The following PRKG1 variants were observed in gnomAD, a reference collection of about 807,000 sequenced individuals.
The protein encoded by PRKG1 is cGMP-dependent protein kinase 1.
A neutral mutation model predicts 88.1 loss-of-function variants in PRKG1; 35 were observed. That is an observed-to-expected ratio of 0.40 (90% CI 0.30 to 0.53). The LOEUF is 0.53. Ranked by LOEUF, PRKG1 falls within the 20% of genes least tolerant of loss-of-function variation. PRKG1 has a pLI of 0.59. For synonymous variants in PRKG1, 303 were observed against 292.5 expected (o/e 1.04, Z -0.37); for missense variants, 540 against 839.8 (o/e 0.64, Z 4.41).
intron 4 of PRKG1, among the ~76,000 whole-genome samples, chr10:51,900,919 A>T (rs572815924): frequency 6.6e-6 from 1 of 152,316 alleles, no homozygotes; most frequent in South Asian, 2.1e-4. Context: ...AAACATGTAT[A>T]CAAAATTTAA....
chr10:51,575,366 A>G (rs561477356), intron 3 of PRKG1, among the ~76,000 whole-genome samples: 2 of 152,106 alleles, frequency 1.3e-5, no homozygotes, highest in Non-Finnish European at 2.9e-5. Context: ...GGTGTGTTCC[A>G]TGGCTCTGCC....
intron 5 of PRKG1, among the ~76,000 whole-genome samples, chr10:51,993,607 A>G (rs1844365355): frequency 6.6e-6 from 1 of 152,194 alleles, no homozygotes; most frequent in Non-Finnish European, 1.5e-5. Context: ...TCACTGGGTC[A>G]TACTGAGGAT....
chr10:52,184,777 A>G (rs999110874), intron 9 of PRKG1: 2 of 152,280 alleles, frequency 1.3e-5, no homozygotes, highest in Non-Finnish European at 2.9e-5. Context: ...AGGAGCAGGC[A>G]TATCACATGG....
rs190238024 is a variant in PRKG1 at position 51,972,242 on chromosome 10, T to C, written c.762+64672T>C. Among the ~76,000 whole-genome samples, 506 of 152,324 alleles carry C rather than the reference T, an allele frequency of 3.3e-3. 2 individuals are homozygous for C. The highest frequency in any genetic ancestry group is 6.8e-3 in the Middle Eastern group (2 of 294). ...TATATATAATCTTTTGCATTTACTT[T>C]TTGCACATCTTATATTTGGGATCAG... On this transcript the variant is annotated intron_variant, in intron 5 of 17. Transcript: ENST00000373980.
upstream of PRKG1, among the ~76,000 whole-genome samples, chr10:51,072,802 G>A (rs1402890426): frequency 6.6e-6 from 1 of 151,978 alleles, no homozygotes; most frequent in African/African-American, 2.4e-5. Flanking sequence ...AAATGAACAA[G>A]CTTGTTAAGA....
intron 1 of PRKG1, among the ~76,000 whole-genome samples, chr10:51,126,189 ATTAT>A (rs1845404028): frequency 8.2e-6 from 1 of 121,768 alleles, no homozygotes; most frequent in Admixed American, 8.9e-5. Context: ...TTTATATATA[ATTAT>A]TTATATGTTA....
rs557379300 is a variant in PRKG1 at position 51,080,223 on chromosome 10, C to G, written c.311+5322C>G. On this transcript the variant is annotated intron_variant, in intron 1 of 17. Coordinates refer to ENST00000373980, the MANE Select transcript of PRKG1 (RefSeq NM_006258.4). ...TGAAGCACAGTCAAGTTGCATGCCC[C>G]CAAAATGGGTCTTATAATGAAGATA... Among the ~76,000 whole-genome samples the G allele has an allele frequency of 1.2e-4, 18 of 152,198 alleles. No homozygotes were observed. The South Asian group carries it at 1.2e-3, about 11-fold the overall frequency.
intron 9 of PRKG1, among the ~76,000 whole-genome samples, chr10:52,166,417 G>A (rs1838437420): frequency 6.8e-6 from 1 of 146,756 alleles, no homozygotes; most frequent in Admixed American, 7.1e-5. Flanking sequence ...TGAAATAATA[G>A]TATTTGAATA....
chr10:51,635,317 G>A (rs1382802521), intron 3 of PRKG1, among the ~76,000 whole-genome samples: 11 of 147,186 alleles, frequency 7.5e-5, no homozygotes, highest in African/African-American at 2.7e-4. Context: ...TTAGATATAT[G>A]AAGTTGCCAC....
intron 5 of PRKG1, among the ~76,000 whole-genome samples, chr10:52,039,037 C>T (rs1175497840): frequency 2.6e-5 from 4 of 152,134 alleles, no homozygotes; most frequent in East Asian, 1.9e-4. Context: ...GGATCTTTCT[C>T]GTGGAGCAAA....
intron 2 of PRKG1, among the ~76,000 whole-genome samples, chr10:51,398,408 A>G (rs890408781): frequency 1.3e-5 from 2 of 152,060 alleles, no homozygotes; most frequent in African/African-American, 4.8e-5. Flanking sequence ...CCTGCTGCTC[A>G]CCTCCTGCTG....
At chr10:51,344,413 G>C (rs1454412441) in intron 2 of PRKG1, among the ~76,000 whole-genome samples, 5 of 152,040 alleles carry the variant, frequency 3.3e-5, no homozygotes, top group Non-Finnish European at 7.4e-5. Flanking sequence ...CAACACTGAG[G>C]ATTACATTTC....
chr10:51,216,673 C>T (rs2132082805), intron 2 of PRKG1, among the ~76,000 whole-genome samples: 1 of 152,260 alleles, frequency 6.6e-6, no homozygotes, highest in South Asian at 2.1e-4. Context: ...GGGATGCTAA[C>T]TGCTTGAGAA....
At chr10:51,072,131 G>T (rs1843840256), upstream of PRKG1, among the ~76,000 whole-genome samples, 1 of 152,100 alleles carries the variant, frequency 6.6e-6, no homozygotes, top group Admixed American at 6.5e-5. Context: ...GGAGGCGGAG[G>T]TTGCAGGGAG....
chr10:51,294,519 A>T (rs990653477), intron 2 of PRKG1, among the ~76,000 whole-genome samples: 7 of 152,082 alleles, frequency 4.6e-5, no homozygotes, highest in Non-Finnish European at 1.0e-4. Flanking sequence ...AGATCAGTTG[A>T]TGGTAATGGG....
At chr10:51,893,514 A>G (rs981293386) in intron 4 of PRKG1, among the ~76,000 whole-genome samples, 1 of 152,106 alleles carries the variant, frequency 6.6e-6, no homozygotes, top group Non-Finnish European at 1.5e-5. Context: ...TACATTTGCA[A>G]ACTGTGTAAT....
Position 51,227,506 on chromosome 10 carries a change from A to G in PRKG1, c.478+74176A>G, listed in dbSNP as rs1398315161. Among the ~76,000 whole-genome samples, 3 of 152,098 alleles carry G rather than the reference A, an allele frequency of 2.0e-5. No homozygotes were observed. The East Asian group carries it at 5.8e-4, about 29-fold the overall frequency. The stretch of plus-strand genomic sequence containing the variant: ...TATCCAATTTACCTTGTTGAACATT[A>G]TTTACTAACAGCAATCTGTTAGCCA... On this transcript the variant is annotated intron_variant, in intron 2 of 17. Transcript: ENST00000373980.
At chr10:51,445,663 G>C (rs1564498922) in intron 2 of PRKG1, among the ~76,000 whole-genome samples, 1 of 151,772 alleles carries the variant, frequency 6.6e-6, no homozygotes, top group Non-Finnish European at 1.5e-5. Context: ...AAATTCAAAA[G>C]TAGATAATTA....
At chr10:52,069,561 A>G (rs965051252) in intron 7 of PRKG1, among the ~76,000 whole-genome samples, 1 of 152,166 alleles carries the variant, frequency 6.6e-6, no homozygotes, top group South Asian at 2.1e-4. Flanking sequence ...AAACAATAAA[A>G]TTATAGTACA....
Sources: allele counts gnomAD v4.1 joint callset (sites outside exome capture counted in the v4.1 genomes callset), GRCh38; gene constraint gnomAD v4.1.1; transcripts MANE v1.5; gene names NCBI Gene and HGNC (gene_info 2026-07-23, HGNC 2026-07-21).